SLX4IP: variants seen among roughly 807,000 people sequenced by gnomAD.
The protein encoded by SLX4IP is SLX4 interacting protein.
Under a neutral mutation model 32.9 loss-of-function variants are expected in SLX4IP, and 34 were observed. The ratio of observed to expected loss-of-function variants is 1.03; its 90% CI spans 0.79 to 1.38. SLX4IP has a LOEUF of 1.38. SLX4IP is among the 40% of genes most tolerant of loss of function. SLX4IP has a pLI of 0.00. For missense variants in SLX4IP, 444 were observed against 479.0 expected (o/e 0.93, Z 0.68); for synonymous variants, 172 against 171.7 (o/e 1.00, Z -0.01).
At chr20:10,569,942 A>T (rs937402510) in intron 4 of SLX4IP, among the ~76,000 whole-genome samples, 4 of 152,192 alleles carry the variant, frequency 2.6e-5, no homozygotes, top group African/African-American at 7.2e-5. Flanking sequence ...AGGTACTGGG[A>T]GTTAGGACTT....
chr20:10,479,283 G>A (rs1030612430), intron 2 of SLX4IP, among the ~76,000 whole-genome samples: 2 of 151,568 alleles, frequency 1.3e-5, no homozygotes, highest in African/African-American at 4.9e-5. Flanking sequence ...TTTTTTGTTT[G>A]GTAAATTAAA....
At chr20:10,518,353 CTCTTTCTT>C (rs1335653269) in intron 2 of SLX4IP, among the ~76,000 whole-genome samples, 6 of 107,128 alleles carry the variant, frequency 5.6e-5, no homozygotes, top group Non-Finnish European at 1.4e-4. Flanking sequence ...CTTTCTTTCT[CTCTTTCTT>C]TCTTTCTCTC....
chr20:10,627,282 G>T lies in SLX4IP; in HGVS notation c.*3903G>T, dbSNP rs893282114. 1.3e-5 allele frequency: 2 copies of T among 152,292 alleles called. No individual in the cohort carries two copies. Among genetic ancestry groups the T allele is most frequent in the South Asian group, 2.1e-4 (1 of 4,826 alleles). 9.4% of individuals were successfully genotyped at this position (152,292 alleles called of 1,614,324 possible). On this transcript the variant is annotated 3_prime_UTR_variant, in exon 8 of 8. Transcript: ENST00000334534. ...CCATGCTTGGTTTGTCAAGACAAGA[G>T]AATTCATTCCTTATTATTGAAACAT...
intron 2 of SLX4IP, among the ~76,000 whole-genome samples, chr20:10,552,213 C>G (rs1347862025): frequency 2.6e-5 from 4 of 152,046 alleles, no homozygotes; most frequent in African/African-American, 7.3e-5. Context: ...GATGGTTGCT[C>G]AAGAGGTGGC....
In SLX4IP at chr20:10,616,134, T is replaced by C. The variant is rs150718737; in HGVS notation, c.406-5180T>C. On this transcript the variant is annotated intron_variant, in intron 6 of 7. Coordinates refer to ENST00000334534, the MANE Select transcript of SLX4IP (RefSeq NM_001009608.3). ...TTCATCCAGTTATTTAAACCAAAGATTGTCGAGTCACCAATGACTTCTCTT... is the reference window on the plus strand; with the variant it reads ...TTCATCCAGTTATTTAAACCAAAGACTGTCGAGTCACCAATGACTTCTCTT... Among the ~76,000 whole-genome samples the C allele has an allele frequency of 9.4e-4, 143 of 152,278 alleles. 2 individuals are homozygous for C. Among genetic ancestry groups the C allele is most frequent in the Middle Eastern group, 3.4e-3 (1 of 294 alleles).
intron 2 of SLX4IP, among the ~76,000 whole-genome samples, chr20:10,464,134 A>G (rs1035858277): frequency 6.6e-6 from 1 of 152,076 alleles, no homozygotes; most frequent in African/African-American, 2.4e-5. Flanking sequence ...GGTGAGTGAG[A>G]GTTGGAGTGA....
In SLX4IP at chr20:10,617,183, G is replaced by A. The variant is rs867883938; in HGVS notation, c.406-4131G>A. On this transcript the variant is annotated intron_variant, in intron 6 of 7. Coordinates refer to ENST00000334534, the MANE Select transcript of SLX4IP (RefSeq NM_001009608.3). ...ACACTTTGCAAAAGGCTGTCTCACT[G>A]TACCAGTTTGTGTTTGTTTATCTGC... 1.4e-4 allele frequency among the ~76,000 whole-genome samples: 21 copies of A among 152,342 alleles called. No homozygotes were observed. In the Middle Eastern group the frequency reaches 0.01, roughly 74 times the overall value.
chr20:10,543,756 G>T (rs1342602775), intron 2 of SLX4IP, among the ~76,000 whole-genome samples: 1 of 152,204 alleles, frequency 6.6e-6, no homozygotes, highest in Non-Finnish European at 1.5e-5. Context: ...CAGATCATTG[G>T]TAACCGTGAC....
In SLX4IP at chr20:10,598,674, G is replaced by A. The variant is rs2066802325; in HGVS notation, c.239-1G>A. 1 of 1,614,044 alleles carries A rather than the reference G, an allele frequency of 6.2e-7. No homozygotes were observed. Among genetic ancestry groups the A allele is most frequent in the African/African-American group, 1.3e-5 (1 of 75,038 alleles). Reference sequence around the variant, plus strand: ...TAGTGATGTTCCCTTTCACTTTCCAGGTTATGGCTTTCAAATCACAGCCTA... The same window carrying A: ...TAGTGATGTTCCCTTTCACTTTCCAAGTTATGGCTTTCAAATCACAGCCTA... On this transcript the variant is annotated splice_acceptor_variant, in intron 4 of 7. Transcript: ENST00000334534. LOFTEE classifies it high-confidence loss of function.
At chr20:10,487,725 C>A (rs191682459) in intron 2 of SLX4IP, among the ~76,000 whole-genome samples, 236 of 152,230 alleles carry the variant, frequency 1.6e-3, no homozygotes, top group African/African-American at 5.5e-3. Flanking sequence ...CTCGAGAGGG[C>A]GGTCTTGGGC....
chr20:10,505,710 T>C (rs1257230665), intron 2 of SLX4IP, among the ~76,000 whole-genome samples: 3 of 152,218 alleles, frequency 2.0e-5, no homozygotes, highest in East Asian at 3.8e-4. Context: ...GCCAAAGACC[T>C]TGTGAGCTAT....
intron 5 of SLX4IP, among the ~76,000 whole-genome samples, chr20:10,599,551 G>A (rs2066816610): frequency 6.6e-6 from 1 of 150,590 alleles, no homozygotes; most frequent in Non-Finnish European, 1.5e-5. Flanking sequence ...GTGCCACCAT[G>A]CCTGGCTTTT....
chr20:10,614,254 T>C, intron 6 of SLX4IP: 1 of 610,396 alleles, frequency 1.6e-6, no homozygotes, highest in Non-Finnish European at 2.9e-6. Context: ...AGAAAACAGA[T>C]CCAGCTCTCA....
chr20:10,560,436 T>A lies in SLX4IP; in HGVS notation c.118-264T>A, dbSNP rs2066319767. Among the ~76,000 whole-genome samples, 3 of 152,228 alleles carry A rather than the reference T, an allele frequency of 2.0e-5. No individual in the cohort carries two copies. In the South Asian group the frequency reaches 6.2e-4, roughly 32 times the overall value. ...TACACTGAAATATTTTTATCTTTCT[T>A]TTAGAAATATGAAACTGAGGCAGAA... On this transcript the variant is annotated intron_variant, in intron 3 of 7. Coordinates refer to ENST00000334534, the MANE Select transcript of SLX4IP (RefSeq NM_001009608.3).
chr20:10,565,366 G>T (rs966603721), intron 4 of SLX4IP, among the ~76,000 whole-genome samples: 1 of 152,122 alleles, frequency 6.6e-6, no homozygotes, highest in East Asian at 1.9e-4. Context: ...GTGAAGCTAC[G>T]CAAAACAGCC....
intron 2 of SLX4IP, among the ~76,000 whole-genome samples, chr20:10,497,699 A>G (rs2065680491): frequency 6.6e-6 from 1 of 152,094 alleles, no homozygotes; most frequent in Non-Finnish European, 1.5e-5. Flanking sequence ...TTAGAATTCA[A>G]ATAGACTGTT....
intron 2 of SLX4IP, among the ~76,000 whole-genome samples, chr20:10,516,921 G>T (rs1423623421): frequency 6.6e-6 from 1 of 152,114 alleles, no homozygotes; most frequent in East Asian, 1.9e-4. Context: ...TCTCAGAGAG[G>T]TCTCCTTTTC....
chr20:10,451,696 C>T (rs957467472), intron 1 of SLX4IP, among the ~76,000 whole-genome samples: 2 of 151,972 alleles, frequency 1.3e-5, no homozygotes, highest in Non-Finnish European at 2.9e-5. Flanking sequence ...TGGCCAGGCA[C>T]GGTGACTCAT....
intron 4 of SLX4IP, among the ~76,000 whole-genome samples, chr20:10,573,440 A>G (rs1337244858): frequency 6.6e-6 from 1 of 152,170 alleles, no homozygotes. Flanking sequence ...AAGTAATTCT[A>G]TTTTTAAGAG....
Sources: allele counts gnomAD v4.1 joint callset (sites outside exome capture counted in the v4.1 genomes callset), GRCh38; gene constraint gnomAD v4.1.1; transcripts MANE v1.5; gene names NCBI Gene and HGNC (gene_info 2026-07-23, HGNC 2026-07-21).